Variants in AP3M1 observed in about 807,000 individuals in gnomAD.
The protein encoded by AP3M1 is adaptor related protein complex 3 subunit mu 1, also known as AP-3 complex subunit mu-1.
In AP3M1, 29 loss-of-function variants were observed where a neutral mutation model predicts 42.6. The ratio of observed to expected loss-of-function variants is 0.68; its 90% CI spans 0.51 to 0.93. AP3M1 has a LOEUF of 0.93. Ranked by LOEUF, AP3M1 falls within the 40% of genes least tolerant of loss-of-function variation. The pLI is 0.00. For missense variants in AP3M1, 416 were observed against 510.2 expected, an observed-to-expected ratio of 0.82 and a Z score of 1.78; for synonymous variants, 178 against 175.3, an observed-to-expected ratio of 1.02 and a Z score of -0.12.
chr10:74,123,981 A>G, intron 8 of AP3M1, 71 bp from the exon 9 acceptor site: 1 of 1,322,492 alleles, frequency 7.6e-7, no homozygotes, highest in Admixed American at 1.7e-5. Flanking sequence ...AATGAGCGCT[A>G]TATGGTAAAT....
intron 2 of AP3M1, 92 bp downstream of exon 2, chr10:74,138,015 C>A: frequency 7.5e-7 from 1 of 1,328,508 alleles, no homozygotes; most frequent in Non-Finnish European, 1.0e-6. Flanking sequence ...AGACAGTAAA[C>A]ATCAAAACCT....
At chr10:74,130,931 C>T (rs1840762505) in intron 4 of AP3M1, among the ~76,000 whole-genome samples, 1 of 151,710 alleles carries the variant, frequency 6.6e-6, no homozygotes, top group African/African-American at 2.4e-5. Context: ...GGCAACATGG[C>T]AAAACCCCGT....
Position 74,124,399 on chromosome 10 carries a change from G to T in AP3M1, c.1137C>A (p.Ile379=), listed in dbSNP as rs16931199. The change falls in exon 8 of 9, where the codon ATC becomes ATA. Residue 379 remains isoleucine (I), a synonymous_variant. Coordinates refer to ENST00000355264, the MANE Select transcript of AP3M1 (RefSeq NM_012095.6). The stretch of plus-strand genomic sequence containing the variant: ...CCTTACCTGAAATAGCAAGCTGCTG[G>T]ATCTTAAACTGTATGTTGAGGCTCG... The part of the protein sequence containing the change: ...ENPSLNIQFK[I]QQLAISGLKV... The T allele has an allele frequency of 5.6e-3, 9,013 of 1,609,102 alleles. 334 individuals are homozygous for T. The East Asian group carries it at 0.1, about 19-fold the overall frequency.
chr10:74,150,011 A>T (rs1255838216), intron 1 of AP3M1, among the ~76,000 whole-genome samples: 1 of 152,226 alleles, frequency 6.6e-6, no homozygotes, highest in Non-Finnish European at 1.5e-5. Context: ...ATTTTATGTC[A>T]TTGATAACTT....
rs543606440 is a variant in AP3M1 at position 74,129,781 on chromosome 10, A to C, written c.669+126T>G. ...AGCGACTGTCTTAGGAAACTCTGCTAGGAATATTTCTGAGATAATCCTTTG... is the reference window on the plus strand; with the variant it reads ...AGCGACTGTCTTAGGAAACTCTGCTCGGAATATTTCTGAGATAATCCTTTG... On this transcript the variant is annotated intron_variant, in intron 5 of 8. Coordinates refer to ENST00000355264, the MANE Select transcript of AP3M1 (RefSeq NM_012095.6). The C allele has an allele frequency of 6.9e-5, 49 of 714,480 alleles. No homozygotes were observed. The African/African-American group carries it at 8.4e-4, about 12-fold the overall frequency. The allele number at this position is 714,480 out of a possible 1,614,324, so 44.3% of individuals were successfully genotyped here.
At position 74,122,609 on chromosome 10, in the gene AP3M1, GT is replaced by G. The variant is rs1276201790; in HGVS notation, c.*1200del. ...TATCATCAATGTTACCGAGGATTTTGTTTCTGCCTCATTATAACTCACTTCC... is the reference window on the plus strand; with the variant it reads ...TATCATCAATGTTACCGAGGATTTTGTTCTGCCTCATTATAACTCACTTCC... On this transcript the variant is annotated 3_prime_UTR_variant, in exon 9 of 9. Transcript: ENST00000355264. 6.6e-6 allele frequency: 1 copy of G among 152,088 alleles called. No homozygotes were observed. The highest frequency in any genetic ancestry group is 2.4e-5 in the African/African-American group (1 of 41,404). 9.4% of individuals were successfully genotyped at this position (152,088 alleles called of 1,614,324 possible).
rs2131951441 is a variant in AP3M1 at position 74,121,863 on chromosome 10, A to T, written c.*1947T>A. 1 of 152,354 alleles carries T rather than the reference A, an allele frequency of 6.6e-6. No individual in the cohort carries two copies. The highest frequency in any genetic ancestry group is 2.4e-5 in the African/African-American group (1 of 41,588). 9.4% of individuals were successfully genotyped at this position (152,354 alleles called of 1,614,324 possible). On this transcript the variant is annotated 3_prime_UTR_variant, in exon 9 of 9. Transcript: ENST00000355264. ...AATACAGTAATTTGATTGTAAAAGGAAACATTCTACTTGGACATTTTAGTA... is the reference window on the plus strand; with the variant it reads ...AATACAGTAATTTGATTGTAAAAGGTAACATTCTACTTGGACATTTTAGTA...
At chr10:74,147,255 A>G (rs1262472183) in intron 1 of AP3M1, among the ~76,000 whole-genome samples, 1 of 151,448 alleles carries the variant, frequency 6.6e-6, no homozygotes, top group African/African-American at 2.4e-5. Flanking sequence ...ACTGCACTCT[A>G]GCCTGGATGA....
chr10:74,124,637 G>C, intron 7 of AP3M1, 113 bp from the exon 8 acceptor site: 2 of 846,572 alleles, frequency 2.4e-6, no homozygotes, highest in Non-Finnish European at 3.5e-6. Flanking sequence ...GCAGTCTCTT[G>C]AAAACAAGAG....
At position 74,129,127 on chromosome 10, in the gene AP3M1, A is replaced by G; in HGVS notation, c.784T>C (p.Tyr262His). 6.2e-7 allele frequency: 1 copy of G among 1,614,094 alleles called. No individual in the cohort carries two copies. Among genetic ancestry groups the G allele is most frequent in the Non-Finnish European group, 8.5e-7 (1 of 1,179,986 alleles). ...ACATACTTTTGTGAGCTGACACGGT[A>G]TGATATGAGTCGGAAATTTCCATCT... is the stretch of plus-strand genomic sequence containing the variant. ...PPDGNFRLIS[Y>H]RVSSQNLVAI... is the part of the protein sequence containing the mutation. The change falls in exon 6 of 9, where the codon TAC (tyrosine) becomes CAC (histidine). Residue 262 changes from tyrosine to histidine, a missense_variant. Physicochemically the swap from Tyr to His is moderately conservative, Grantham distance 83. Transcript: ENST00000355264.
chr10:74,133,005 C>T (rs1840826437), intron 4 of AP3M1, among the ~76,000 whole-genome samples: 1 of 152,134 alleles, frequency 6.6e-6, no homozygotes, highest in Non-Finnish European at 1.5e-5. Context: ...GTAATCCCAG[C>T]CCTTTGGGAG....
Position 74,149,350 on chromosome 10 carries a change from T to C in AP3M1, c.-4+1405A>G, listed in dbSNP as rs142431571. ...TGTCGCTCAGGGTGGAGTGCAGTGGTGAGGTCTCAGCTTACTGCAACTTCC... is the reference window on the plus strand; with the variant it reads ...TGTCGCTCAGGGTGGAGTGCAGTGGCGAGGTCTCAGCTTACTGCAACTTCC... On this transcript the variant is annotated intron_variant, in intron 1 of 8. Coordinates refer to ENST00000355264, the MANE Select transcript of AP3M1 (RefSeq NM_012095.6). Among the ~76,000 whole-genome samples the C allele has an allele frequency of 3.8e-4, 46 of 122,222 alleles. 1 individual carries two copies. The highest frequency in any genetic ancestry group is 1.3e-3 in the African/African-American group (43 of 33,054). 80.2% of individuals were successfully genotyped at this position (122,222 alleles called of 152,430 possible). A position where few individuals can be genotyped will look rare whatever the true frequency, so the allele number is the denominator to read the frequency against.
At chr10:74,137,190 A>C (rs1840976657) in intron 2 of AP3M1, among the ~76,000 whole-genome samples, 1 of 152,232 alleles carries the variant, frequency 6.6e-6, no homozygotes, top group African/African-American at 2.4e-5. Flanking sequence ...CGGTGAGCCA[A>C]GATCATGCTA....
chr10:74,134,019 A>G lies in AP3M1; in HGVS notation c.583+8T>C, dbSNP rs756956509. ...TTTCCCCAAATAAGATGACATGCAC[A>G]CAATTACCTGATTTATCTATAATTG... On this transcript the variant is annotated splice_region_variant and intron_variant, in intron 4 of 8. Transcript: ENST00000355264. 1.9e-6 allele frequency: 3 copies of G among 1,613,568 alleles called. No homozygotes were observed. Among genetic ancestry groups the G allele is most frequent in the Non-Finnish European group, 2.5e-6 (3 of 1,179,662 alleles).
rs570415839 is a variant in AP3M1, at chr10:74,124,438, T to A, written c.1098A>T (p.Lys366Asn). 6.2e-7 allele frequency: 1 copy of A among 1,613,836 alleles called. No individual in the cohort carries two copies. The highest frequency in any genetic ancestry group is 1.1e-5 in the South Asian group (1 of 90,964). ...GLVNLQSGAP[K>N]PEENPSLNIQ... ...TGTTGAGGCTCGGATTCTCTTCTGG[T>A]TTGGGGGCTCCAGACTGTAAATTTA... is the stretch of plus-strand genomic sequence containing the variant. The change falls in exon 8 of 9, where the codon AAA (lysine) becomes AAT (asparagine). Residue 366 changes from lysine to asparagine, a missense_variant. By Grantham distance (94) the Lys-to-Asn change is moderately conservative (BLOSUM62 0). Coordinates refer to ENST00000355264, the MANE Select transcript of AP3M1 (RefSeq NM_012095.6).
rs1307804850 is a variant in AP3M1 at position 74,124,415 on chromosome 10, T to C, written c.1121A>G (p.Asn374Ser). The C allele has an allele frequency of 1.9e-6, 3 of 1,613,598 alleles. No individual in the cohort carries two copies. The highest frequency in any genetic ancestry group is 8.5e-7 in the Non-Finnish European group (1 of 1,179,884). Residue 374 changes from asparagine to serine, a missense_variant, in exon 8 of 9, where the codon AAC (asparagine) becomes AGC (serine). By Grantham distance (46) the Asn-to-Ser change is conservative. Transcript: ENST00000355264. ...APKPEENPSLNIQFKIQQLAI... is the reference protein window; with the variant it reads ...APKPEENPSLSIQFKIQQLAI... ...AAGCTGCTGGATCTTAAACTGTATG[T>C]TGAGGCTCGGATTCTCTTCTGGTTT...
rs182908144 is a variant in AP3M1, at chr10:74,137,986, C to T, written c.273+121G>A. On this transcript the variant is annotated intron_variant, in intron 2 of 8. Coordinates refer to ENST00000355264, the MANE Select transcript of AP3M1 (RefSeq NM_012095.6). ...ACACAGAAAAGGGCTTATGAATTTA[C>T]GCTTAAACAGAGAGAGACAGACAGT... 9.8e-5 allele frequency: 103 copies of T among 1,046,470 alleles called. No individual in the cohort carries two copies. In the African/African-American group the frequency reaches 1.1e-3, roughly 11 times the overall value. 64.8% of individuals were successfully genotyped at this position (1,046,470 alleles called of 1,614,324 possible).
At chr10:74,135,639 C>A (rs932620636) in intron 3 of AP3M1, among the ~76,000 whole-genome samples, 3 of 151,996 alleles carry the variant, frequency 2.0e-5, no homozygotes, top group African/African-American at 7.2e-5. Flanking sequence ...CAGTTTTGTG[C>A]TGACTTTTCA....
At chr10:74,139,417 C>G (rs1198449338) in intron 1 of AP3M1, among the ~76,000 whole-genome samples, 2 of 151,120 alleles carry the variant, frequency 1.3e-5, no homozygotes, top group Non-Finnish European at 2.9e-5. Context: ...AGTTTAAGAC[C>G]AGCCTATGCA....
Sources: allele counts gnomAD v4.1 joint callset (sites outside exome capture counted in the v4.1 genomes callset), GRCh38; gene constraint gnomAD v4.1.1; transcripts MANE v1.5; gene names NCBI Gene and HGNC (gene_info 2026-07-23, HGNC 2026-07-21).